Variants in DNAAF1 observed in about 807,000 individuals in gnomAD.
The protein encoded by DNAAF1 is dynein axonemal assembly factor 1, also known as dynein assembly factor 1, axonemal.
DNAAF1 carries 65 observed loss-of-function variants against 71.1 expected under a neutral mutation model. The observed-to-expected ratio is 0.91, with a 90% CI of 0.75 to 1.12. DNAAF1 has a LOEUF of 1.12. DNAAF1 is among the 50% of genes most tolerant of loss of function. DNAAF1 has a pLI of 0.00. For missense variants in DNAAF1, 1,178 were observed against 899.8 expected (o/e 1.31, Z -3.96); for synonymous variants, 414 against 354.6 (o/e 1.17, Z -1.88).
In DNAAF1 at chr16:84,145,373, C is replaced by A; in HGVS notation, c.-68C>A. The A allele has an allele frequency of 6.5e-7, 1 of 1,549,320 alleles. No homozygotes were observed. The highest frequency in any genetic ancestry group is 2.4e-5 in the East Asian group (1 of 41,548). On this transcript the variant is annotated 5_prime_UTR_variant, in exon 1 of 12. Coordinates refer to ENST00000378553, the MANE Select transcript of DNAAF1 (RefSeq NM_178452.6). Reference sequence around the variant, plus strand: ...GGGTACTCTCTGGCTGGGCTGGGGCCGTAGCGACGTCCGCCGCGAACCTGG... The same window carrying A: ...GGGTACTCTCTGGCTGGGCTGGGGCAGTAGCGACGTCCGCCGCGAACCTGG...
At chr16:84,146,744 CA>C (rs755205371) in intron 1 of DNAAF1, among the ~76,000 whole-genome samples, 4,858 of 137,756 alleles carry the variant, frequency 0.035, 86 homozygotes, top group African/African-American at 0.05. Flanking sequence ...GACTCCGTCT[CA>C]AAAAAAAAAA....
rs1468784988 is a variant in DNAAF1, at chr16:84,154,600, G to A, written c.376G>A (p.Glu126Lys). 1.2e-6 allele frequency: 2 copies of A among 1,614,144 alleles called. No homozygotes were observed. Among genetic ancestry groups the A allele is most frequent in the Non-Finnish European group, 1.7e-6 (2 of 1,180,040 alleles). ...FKGFDRIENL[E>K]EYTGLRCLWL... ...AGGTTTTGATCGCATTGAGAACCTG[G>A]AAGAGTACACAGGGCTGCGCTGTCT... Residue 126 changes from glutamate to lysine, a missense_variant, in exon 4 of 12, where the codon GAA becomes AAA. Physicochemically the swap from Glu to Lys is moderately conservative, Grantham distance 56. Transcript: ENST00000378553.
At position 84,164,250 on chromosome 16, in the gene DNAAF1, A is replaced by G. The variant is rs567602657; in HGVS notation, c.864-1533A>G. 6.6e-5 allele frequency among the ~76,000 whole-genome samples: 10 copies of G among 152,362 alleles called. No individual in the cohort carries two copies. The South Asian group carries it at 2.1e-3, about 32-fold the overall frequency. ...GTACGTTTGTGACAAGCGATCAAGC[A>G]ATGCTGGTACCTTATTATTGACTGA... On this transcript the variant is annotated intron_variant, in intron 6 of 11. Transcript: ENST00000378553.
intron 3 of DNAAF1, among the ~76,000 whole-genome samples, chr16:84,151,721 G>C (rs1384399090): frequency 6.6e-6 from 1 of 152,208 alleles, no homozygotes; most frequent in Non-Finnish European, 1.5e-5. Context: ...TCTCTCATGA[G>C]GCAGTAGCCA....
At chr16:84,168,484 G>A (rs951746253) in intron 7 of DNAAF1, among the ~76,000 whole-genome samples, 3 of 151,922 alleles carry the variant, frequency 2.0e-5, no homozygotes, top group African/African-American at 7.3e-5. Context: ...TGCTATGTTG[G>A]CCAAGCTGGT....
chr16:84,148,616 G>GTTTTTTTTTTTTTTTTTTTTTTTTTTT (rs2087037993), intron 1 of DNAAF1, among the ~76,000 whole-genome samples: 1 of 10,310 alleles, frequency 9.7e-5, no homozygotes, highest in Non-Finnish European at 2.4e-4. Context: ...TTTTTTTTTG[G>GTTTTTTTTTTTTTTTTTTTTTTTTTTT]TGAGACGGGG....
At chr16:84,152,665 A>G (rs1332372452) in intron 3 of DNAAF1, among the ~76,000 whole-genome samples, 6 of 148,546 alleles carry the variant, frequency 4.0e-5, no homozygotes, top group African/African-American at 1.5e-4. Flanking sequence ...AAAAAAAAAA[A>G]AAAGTTGGCT....
At position 84,174,382 on chromosome 16, in the gene DNAAF1, C is replaced by G. The variant is rs186999548; in HGVS notation, c.1645-287C>G. The G allele has an allele frequency of 2.3e-5, 31 of 1,321,044 alleles. No homozygotes were observed. The Admixed American group carries it at 9.7e-4, about 41-fold the overall frequency. The allele number at this position is 1,321,044 out of a possible 1,614,324, so 81.8% of individuals were successfully genotyped here. ...CATTATTTCCCCCAAGATGAACTGGCTGTGTCTCTTAATAAAAAAGCAGAA... is the reference window on the plus strand; with the variant it reads ...CATTATTTCCCCCAAGATGAACTGGGTGTGTCTCTTAATAAAAAAGCAGAA... On this transcript the variant is annotated intron_variant, in intron 9 of 11. Coordinates refer to ENST00000378553, the MANE Select transcript of DNAAF1 (RefSeq NM_178452.6).
In DNAAF1 at chr16:84,149,026, A is replaced by T. The variant is rs1314792778; in HGVS notation, c.144A>T (p.Glu48Asp). The T allele has an allele frequency of 6.2e-7, 1 of 1,614,156 alleles. No homozygotes were observed. The stretch of plus-strand genomic sequence containing the variant: ...TTACAGAAATTAATGATCCTAAGGA[A>T]ATATGTGTGGGTTCTTCTGACACAT... ...GCKEEINDPK[E>D]ICVGSSDTSY... The change falls in exon 2 of 12, where the codon GAA becomes GAT. Residue 48 changes from glutamate to aspartate, a missense_variant. Glu to Asp is a conservative substitution (Grantham distance 45). Transcript: ENST00000378553.
rs776888429 is a variant in DNAAF1 at position 84,170,839 on chromosome 16, AAATTG to A, written c.1528+485_1528+489del. ...AGAGTGAGACCCTCCCTCAAAAAAT[AAATTG>A]ATTAATAAATTAATTAAAAAGTAAA... On this transcript the variant is annotated intron_variant, in intron 8 of 11. Coordinates refer to ENST00000378553, the MANE Select transcript of DNAAF1 (RefSeq NM_178452.6). Among the ~76,000 whole-genome samples, 429 of 152,176 alleles carry A rather than the reference AAATTG, an allele frequency of 2.8e-3. 1 individual carries two copies. Among genetic ancestry groups the A allele is most frequent in the Non-Finnish European group, 5.0e-3 (341 of 68,008 alleles).
intron 3 of DNAAF1, among the ~76,000 whole-genome samples, chr16:84,151,662 T>G (rs370091293): frequency 5.3e-5 from 8 of 152,328 alleles, no homozygotes; most frequent in African/African-American, 1.9e-4. Flanking sequence ...ACCCAGTTTC[T>G]GAGGGCCGGG....
intron 9 of DNAAF1, 95 bp downstream of exon 9, chr16:84,172,470 A>G (rs1567565130): frequency 6.5e-7 from 1 of 1,547,978 alleles, no homozygotes. Context: ...CGATACCCCA[A>G]GTGTGGTCCT....
chr16:84,158,263 A>C (rs2087537812), intron 5 of DNAAF1, among the ~76,000 whole-genome samples: 1 of 152,146 alleles, frequency 6.6e-6, no homozygotes, highest in African/African-American at 2.4e-5. Flanking sequence ...CTGGAGACTG[A>C]AAGTCAAGAG....
intron 3 of DNAAF1, 143 bp downstream of exon 3, chr16:84,150,485 A>C: frequency 2.7e-6 from 2 of 734,004 alleles, no homozygotes; most frequent in South Asian, 3.1e-5. Context: ...ATTTATGGAA[A>C]AGGAATAACA....
intron 7 of DNAAF1, among the ~76,000 whole-genome samples, chr16:84,166,437 C>T (rs1225518862): frequency 7.1e-6 from 1 of 140,210 alleles, no homozygotes; most frequent in African/African-American, 2.7e-5. Context: ...AGTGCAGTGG[C>T]ACAATCTTGG....
chr16:84,169,606 A>G (rs1252517455), intron 7 of DNAAF1, among the ~76,000 whole-genome samples: 1 of 151,622 alleles, frequency 6.6e-6, no homozygotes, highest in Non-Finnish European at 1.5e-5. Flanking sequence ...TTTTTAGTGG[A>G]GATGGGGTTT....
In DNAAF1 at chr16:84,145,510, G is replaced by C; in HGVS notation, c.70G>C (p.Val24Leu). 4 of 1,561,520 alleles carry C rather than the reference G, an allele frequency of 2.6e-6. No individual in the cohort carries two copies. The highest frequency in any genetic ancestry group is 3.5e-6 in the Non-Finnish European group (4 of 1,152,582). Residue 24 changes from valine (V) to leucine (L), a missense_variant, in exon 1 of 12, where the codon GTG (valine) becomes CTG (leucine). Physicochemically the swap from Val to Leu is conservative, Grantham distance 32. Transcript: ENST00000378553. ...GCTGGATTGCGCGCAGGAGCCCGGCGTGGAGGAGTCTGCGGGTGACCACGG... is the reference window on the plus strand; with the variant it reads ...GCTGGATTGCGCGCAGGAGCCCGGCCTGGAGGAGTCTGCGGGTGACCACGG... ...AELDCAQEPG[V>L]EESAGDHGSA... is the part of the protein sequence containing the mutation.
chr16:84,160,292 G>T (rs150589080), intron 6 of DNAAF1, among the ~76,000 whole-genome samples: 1,772 of 152,226 alleles, frequency 0.012, 42 homozygotes, highest in African/African-American at 0.041. Flanking sequence ...GACACTTATA[G>T]TTCCTCCTTT....
intron 1 of DNAAF1, among the ~76,000 whole-genome samples, chr16:84,148,693 A>T (rs1197407695): frequency 6.8e-6 from 1 of 146,590 alleles, no homozygotes; most frequent in African/African-American, 2.5e-5. Flanking sequence ...TGACTTCCCA[A>T]GCTCGAGTGA....
Sources: gnomAD v4.1 joint callset for allele counts (sites outside exome capture counted in the v4.1 genomes callset) on GRCh38, gnomAD v4.1.1 for gene constraint, MANE v1.5 for transcripts, NCBI Gene and HGNC (gene_info 2026-07-23, HGNC 2026-07-21) for gene names.